NLRC5: variants seen among roughly 807,000 people sequenced by gnomAD.
NLRC5 encodes NLR family CARD domain containing 5, also known as protein NLRC5.
NLRC5 carries 114 observed loss-of-function variants against 206.9 expected under a neutral mutation model. That is an observed-to-expected ratio of 0.55 (90% CI 0.47 to 0.64). The LOEUF is 0.64. Among genes scored for constraint, NLRC5 ranks in the 30% least tolerant of loss-of-function variants. The probability of loss-of-function intolerance (pLI) is 0.00; values close to 1 mark genes in which losing one functional copy is unlikely to be tolerated. For synonymous variants in NLRC5, 952 were observed against 962.8 expected (o/e 0.99, Z 0.21); for missense variants, 2,008 against 2,305.5 (o/e 0.87, Z 2.64).
intron 43 of NLRC5, 81 bp downstream of exon 43, chr16:57,078,101 T>C: frequency 8.7e-7 from 1 of 1,155,972 alleles, no homozygotes; most frequent in Non-Finnish European, 1.2e-6. Context: ...CAGGCCCCCA[T>C]CAGTTGAGCT....
rs374271969 is a variant in NLRC5, at chr16:57,079,166, A to T, written c.5165+33A>T. ...GGGGCTGCCCAGCCCAGGCACGGGG[A>T]CAGTCCTGGGCGGGTCTGGGGGTTC... On this transcript the variant is annotated intron_variant, in intron 44 of 48. Coordinates refer to ENST00000688547, the MANE Select transcript of NLRC5 (RefSeq NM_001384950.1). 1.3e-5 allele frequency: 21 copies of T among 1,612,794 alleles called. No homozygotes were observed. In the African/African-American group the frequency reaches 2.7e-4, roughly 20 times the overall value.
chr16:57,059,188 C>G, intron 29 of NLRC5, 127 bp downstream of exon 29: 2 of 1,569,638 alleles, frequency 1.3e-6, no homozygotes, highest in Non-Finnish European at 1.7e-6. Flanking sequence ...GCAACCTCTG[C>G]CTTTCTCTGA....
intron 1 of NLRC5, among the ~76,000 whole-genome samples, chr16:57,015,591 AAAATAAATAAAT>A (rs202245287): frequency 2.2e-4 from 31 of 138,394 alleles, no homozygotes; most frequent in East Asian, 4.3e-4. Context: ...GTCTCTTAAA[AAAATAAATAAAT>A]AAATAAATAA....
chr16:57,023,071 C>G (rs2060849826), intron 4 of NLRC5, among the ~76,000 whole-genome samples: 1 of 152,202 alleles, frequency 6.6e-6, no homozygotes, highest in Non-Finnish European at 1.5e-5. Flanking sequence ...CTGGTTCCAG[C>G]CTCCTAGCTG....
chr16:57,074,633 G>A lies in NLRC5; in HGVS notation c.4701G>A (p.Leu1567=). The change falls in exon 39 of 49, where the codon TTG becomes TTA. Residue 1567 remains leucine, a synonymous_variant. Transcript: ENST00000688547. The part of the protein sequence containing the change: ...LSHLLLNSST[L]ALLTHRLSQM... ...ACCTTCTGCTGAACAGCTCCACCTT[G>A]GCCTTGCTTACTCACAGACTAAGCC... is the stretch of plus-strand genomic sequence containing the variant. 6.2e-7 allele frequency: 1 copy of A among 1,613,932 alleles called. No individual in the cohort carries two copies.
intron 30 of NLRC5, 54 bp from the exon 31 acceptor site, chr16:57,061,394 A>T: frequency 2.6e-6 from 4 of 1,545,122 alleles, no homozygotes; most frequent in Non-Finnish European, 3.5e-6. Flanking sequence ...GATGAAGCTG[A>T]GCAGCAGTGC....
chr16:57,037,074 G>C lies in NLRC5; in HGVS notation c.2712-121G>C, dbSNP rs199475983. The stretch of plus-strand genomic sequence containing the variant: ...GAATCCTTTGAGATCCCCTGGCAAG[G>C]GACCTAGGACATCCAGGAGTGACAG... On this transcript the variant is annotated intron_variant, in intron 14 of 48. Transcript: ENST00000688547. 2.5e-6 allele frequency: 2 copies of C among 814,502 alleles called. No individual in the cohort carries two copies. The highest frequency in any genetic ancestry group is 3.3e-5 in the African/African-American group (2 of 59,908). 50.5% of individuals were successfully genotyped at this position (814,502 alleles called of 1,614,324 possible).
chr16:57,022,081 C>T (rs1305877849), intron 3 of NLRC5, among the ~76,000 whole-genome samples, 175 bp from the exon 4 acceptor site: 2 of 152,240 alleles, frequency 1.3e-5, no homozygotes, highest in Non-Finnish European at 2.9e-5. Context: ...CCCAGCACTG[C>T]CTTCAAAGCT....
At chr16:57,043,391 T>C (rs987051559) in intron 19 of NLRC5, 124 bp from the exon 20 acceptor site, 2 of 788,566 alleles carry the variant, frequency 2.5e-6, no homozygotes, top group Non-Finnish European at 2.3e-6. Flanking sequence ...TCTCTGACCA[T>C]CTTGGGTTCA....
At chr16:57,079,319 G>T in intron 45 of NLRC5, 27 bp downstream of exon 45, 1 of 1,611,420 alleles carries the variant, frequency 6.2e-7, no homozygotes, top group Non-Finnish European at 8.5e-7. Context: ...GCCTGCCTAG[G>T]GGACCAGTGG....
At chr16:57,014,884 A>G (rs1223310291) in intron 1 of NLRC5, among the ~76,000 whole-genome samples, 1 of 151,332 alleles carries the variant, frequency 6.6e-6, no homozygotes, top group Non-Finnish European at 1.5e-5. Flanking sequence ...CAGGGCAGAG[A>G]GCAAAAAGAA....
At chr16:57,041,883 C>A in intron 18 of NLRC5, 99 bp from the exon 19 acceptor site, 1 of 799,180 alleles carries the variant, frequency 1.3e-6, no homozygotes, top group Non-Finnish European at 2.0e-6. Context: ...GGGCTGTGTC[C>A]AGTTTCAGGA....
chr16:57,030,693 G>T (rs1200591728), intron 10 of NLRC5, among the ~76,000 whole-genome samples: 1 of 152,160 alleles, frequency 6.6e-6, no homozygotes, highest in Non-Finnish European at 1.5e-5. Context: ...AGTCTACGAA[G>T]CACAGGCATA....
At chr16:57,002,604 T>A (rs1403966516) in intron 1 of NLRC5, among the ~76,000 whole-genome samples, 1 of 151,920 alleles carries the variant, frequency 6.6e-6, no homozygotes, top group African/African-American at 2.4e-5. Flanking sequence ...GTGGGATTGC[T>A]GGATCATATG....
chr16:57,058,910 C>T, intron 28 of NLRC5, 62 bp from the exon 29 acceptor site: 1 of 1,359,416 alleles, frequency 7.4e-7, no homozygotes, highest in Non-Finnish European at 1.1e-6. Flanking sequence ...ATGGAGGGGG[C>T]TGGGCAGGGC....
intron 1 of NLRC5, among the ~76,000 whole-genome samples, chr16:56,994,441 A>G (rs1364879805): frequency 6.6e-6 from 1 of 152,186 alleles, no homozygotes; most frequent in African/African-American, 2.4e-5. Context: ...GCCCTGCTCT[A>G]GGCACTGGGC....
chr16:57,008,954 C>G (rs2059198163), intron 1 of NLRC5, among the ~76,000 whole-genome samples: 1 of 152,024 alleles, frequency 6.6e-6, no homozygotes, highest in Non-Finnish European at 1.5e-5. Flanking sequence ...GAAGAAAAAA[C>G]AAAGTAAACT....
At chr16:57,044,736 T>C (rs2063721896) in intron 20 of NLRC5, among the ~76,000 whole-genome samples, 1 of 151,490 alleles carries the variant, frequency 6.6e-6, no homozygotes, top group African/African-American at 2.4e-5. Flanking sequence ...CTGGACAACA[T>C]GGTGAGACCC....
At chr16:57,020,325 C>T (rs2060519652) in intron 2 of NLRC5, among the ~76,000 whole-genome samples, 1 of 146,230 alleles carries the variant, frequency 6.8e-6, no homozygotes, top group South Asian at 2.3e-4. Flanking sequence ...CTCCAGCTCA[C>T]CGGTTCCCCA....
Sources: allele counts gnomAD v4.1 joint callset (sites outside exome capture counted in the v4.1 genomes callset), GRCh38; gene constraint gnomAD v4.1.1; transcripts MANE v1.5; gene names NCBI Gene and HGNC (gene_info 2026-07-23, HGNC 2026-07-21).